Variants in DCAF5 observed in about 807,000 individuals in gnomAD.
The protein encoded by DCAF5 is DDB1- and CUL4-associated factor 5.
DCAF5 carries 9 observed loss-of-function variants against 80.7 expected under a neutral mutation model. The ratio of observed to expected loss-of-function variants is 0.11; its 90% CI spans 0.07 to 0.19. The LOEUF (loss-of-function observed/expected upper bound fraction) is 0.19, where lower values mean the gene tolerates loss of function less well. Ranked by LOEUF, DCAF5 falls within the 10% of genes least tolerant of loss-of-function variation. DCAF5 has a pLI of 1.00. For missense variants in DCAF5, 842 were observed against 1,205.7 expected (o/e 0.70, Z 4.47); for synonymous variants, 433 against 461.9 (o/e 0.94, Z 0.80).
chr14:69,084,973 C>A, intron 6 of DCAF5: 1 of 1,418,350 alleles, frequency 7.1e-7, no homozygotes, highest in Non-Finnish European at 9.9e-7. Flanking sequence ...ATTTTGCACC[C>A]AGAAGAATTG....
intron 6 of DCAF5, chr14:69,091,030 A>G (rs911815587): frequency 6.9e-6 from 5 of 720,594 alleles, no homozygotes; most frequent in Non-Finnish European, 1.0e-5. Context: ...TAAGACAGAA[A>G]GGTGCAAGAA....
At chr14:69,105,950 C>CATATA (rs2040143397) in intron 5 of DCAF5, among the ~76,000 whole-genome samples, 1 of 48,152 alleles carries the variant, frequency 2.1e-5, no homozygotes, top group South Asian at 7.8e-4. Context: ...TATATATCTC[C>CATATA]TATTGGTTCT....
intron 1 of DCAF5, among the ~76,000 whole-genome samples, chr14:69,133,871 C>T (rs939645360): frequency 2.0e-5 from 3 of 152,196 alleles, no homozygotes; most frequent in African/African-American, 7.2e-5. Context: ...AACACCCTAA[C>T]TAGACAGCTA....
rs1435611988 is a variant in DCAF5, at chr14:69,051,666, G to T, written c.*2191C>A. The stretch of plus-strand genomic sequence containing the variant: ...AGACCAAGTTCTGCATTTGGGAATT[G>T]TAACTACCAAGTAGCTAGTTCCCAA... On this transcript the variant is annotated 3_prime_UTR_variant, in exon 9 of 9. Coordinates refer to ENST00000341516, the MANE Select transcript of DCAF5 (RefSeq NM_003861.3). The T allele has an allele frequency of 6.6e-6, 1 of 152,322 alleles. No individual in the cohort carries two copies. Among genetic ancestry groups the T allele is most frequent in the African/African-American group, 2.4e-5 (1 of 41,454 alleles). 9.4% of individuals were successfully genotyped at this position (152,322 alleles called of 1,614,324 possible).
intron 7 of DCAF5, among the ~76,000 whole-genome samples, chr14:69,068,866 C>T (rs1032078623): frequency 2.0e-5 from 3 of 152,134 alleles, no homozygotes; most frequent in African/African-American, 4.8e-5. Flanking sequence ...ACTGACAATA[C>T]GGACAGAGCA....
intron 7 of DCAF5, among the ~76,000 whole-genome samples, chr14:69,067,737 A>C (rs1167832377): frequency 6.6e-6 from 1 of 151,530 alleles, no homozygotes; most frequent in East Asian, 1.9e-4. Flanking sequence ...CCCCAGTTCA[A>C]GCGATTCTCC....
chr14:69,054,219 TCTC>T lies in DCAF5; in HGVS notation c.2464_2466del (p.Glu822del), dbSNP rs1410160202. 6.2e-7 allele frequency: 1 copy of T among 1,614,220 alleles called. No individual in the cohort carries two copies. Among genetic ancestry groups the T allele is most frequent in the African/African-American group, 1.3e-5 (1 of 75,058 alleles). On this transcript the variant is annotated inframe_deletion, in exon 9 of 9. Transcript: ENST00000341516. ...TTGGCACAGATGGTTTCGAGGCTCCTCTCCTCACTGTCATCAGACTGGGTCCTG... is the reference window on the plus strand; with the variant it reads ...TTGGCACAGATGGTTTCGAGGCTCCTCTCACTGTCATCAGACTGGGTCCTG...
intron 5 of DCAF5, among the ~76,000 whole-genome samples, chr14:69,098,226 G>A (rs931700244): frequency 2.8e-4 from 43 of 152,228 alleles, no homozygotes; most frequent in Middle Eastern, 3.4e-3. Context: ...CTGCAGAGCC[G>A]TAGTACTTAC....
At position 69,054,954 on chromosome 14, in the gene DCAF5, G is replaced by A; in HGVS notation, c.1732C>T (p.Arg578Ter). The stretch of plus-strand genomic sequence containing the variant: ...GCATTCCGCTGCCAGGTAGAGGCTC[G>A]GCGTTCATTCAGCTCCTCCTCATCC... ...SEDEEELNER[R>*]ASTWQRNAMR... The change falls in exon 9 of 9, where the codon CGA (arginine) becomes TGA (stop). Residue 578 changes from arginine (R) to a stop codon, truncating the protein, a stop_gained. Transcript: ENST00000341516. LOFTEE classifies it high-confidence loss of function. The A allele has an allele frequency of 3.1e-6, 5 of 1,614,220 alleles. No homozygotes were observed. Among genetic ancestry groups the A allele is most frequent in the Non-Finnish European group, 3.4e-6 (4 of 1,180,046 alleles).
chr14:69,106,014 G>T (rs2040145553), intron 5 of DCAF5, among the ~76,000 whole-genome samples: 1 of 142,992 alleles, frequency 7.0e-6, no homozygotes, highest in South Asian at 2.2e-4. Context: ...CCCAGAATAG[G>T]TAAATATTAT....
At chr14:69,124,802 A>G (rs1389145261) in intron 1 of DCAF5, among the ~76,000 whole-genome samples, 2 of 152,200 alleles carry the variant, frequency 1.3e-5, no homozygotes, top group African/African-American at 4.8e-5. Context: ...CTCCACTCCT[A>G]TGGTTTTCTC....
In DCAF5 at chr14:69,051,854, G is replaced by A. The variant is rs144733424; in HGVS notation, c.*2003C>T. The A allele has an allele frequency of 2.3e-3, 356 of 152,660 alleles. 1 individual carries two copies. The highest frequency in any genetic ancestry group is 3.7e-3 in the Non-Finnish European group (252 of 68,018). The allele number at this position is 152,660 out of a possible 1,614,324, so 9.5% of individuals were successfully genotyped here. ...GAAGAGAAACACACACTGAGTGATC[G>A]TATTTTTTTTGTATATAAAGGATTA... On this transcript the variant is annotated 3_prime_UTR_variant, in exon 9 of 9. Transcript: ENST00000341516.
intron 1 of DCAF5, among the ~76,000 whole-genome samples, chr14:69,144,550 C>T (rs1595069095): frequency 1.3e-5 from 2 of 150,354 alleles, no homozygotes; most frequent in South Asian, 2.1e-4. Flanking sequence ...GCACTCCAGC[C>T]GGGGCGACAG....
At chr14:69,065,852 A>G (rs759687225) in intron 7 of DCAF5, among the ~76,000 whole-genome samples, 15 of 152,182 alleles carry the variant, frequency 9.9e-5, no homozygotes, top group Admixed American at 7.9e-4. Context: ...GGAGACAGGA[A>G]GGGCATATTT....
chr14:69,151,860 G>C (rs1244738316), intron 1 of DCAF5, among the ~76,000 whole-genome samples: 3 of 152,138 alleles, frequency 2.0e-5, no homozygotes, highest in Admixed American at 6.5e-5. Context: ...CGCCCGGCCG[G>C]AGCCCCGGCC....
intron 5 of DCAF5, among the ~76,000 whole-genome samples, chr14:69,099,251 AACACACACACACACACACACACACACAC>A (rs60913200): frequency 1.6e-5 from 2 of 124,264 alleles, no homozygotes; most frequent in Admixed American, 8.5e-5. Flanking sequence ...ACTCTGTCTC[AACACACACACACACACACACACACACAC>A]ACACACACAC....
At chr14:69,098,442 T>C (rs2039813070) in intron 5 of DCAF5, among the ~76,000 whole-genome samples, 1 of 152,216 alleles carries the variant, frequency 6.6e-6, no homozygotes, top group Non-Finnish European at 1.5e-5. Flanking sequence ...ATATTTATTT[T>C]GTTTCCTATT....
intron 5 of DCAF5, among the ~76,000 whole-genome samples, chr14:69,107,268 C>T (rs1192309956): frequency 2.0e-5 from 3 of 152,128 alleles, no homozygotes; most frequent in Non-Finnish European, 4.4e-5. Flanking sequence ...AAGGAATGGA[C>T]GCAAGCAATC....
At chr14:69,121,679 A>G (rs2040722758) in intron 2 of DCAF5, among the ~76,000 whole-genome samples, 2 of 152,156 alleles carry the variant, frequency 1.3e-5, no homozygotes, top group Non-Finnish European at 2.9e-5. Context: ...AGCTCAGAAA[A>G]GAGGTCAGAA....
Sources: gnomAD v4.1 joint callset for allele counts (sites outside exome capture counted in the v4.1 genomes callset) on GRCh38, gnomAD v4.1.1 for gene constraint, MANE v1.5 for transcripts, NCBI Gene and HGNC (gene_info 2026-07-23, HGNC 2026-07-21) for gene names.